POLA1: variants seen among roughly 807,000 people sequenced by gnomAD.
POLA1 encodes the protein DNA polymerase alpha 1, catalytic subunit.
A neutral mutation model predicts 124.0 loss-of-function variants in POLA1; 15 were observed. The ratio of observed to expected loss-of-function variants is 0.12; its 90% CI spans 0.08 to 0.19. The LOEUF (loss-of-function observed/expected upper bound fraction) is 0.19. Among genes scored for constraint, POLA1 ranks in the 10% least tolerant of loss-of-function variants. The pLI, the probability that POLA1 is intolerant of heterozygous loss-of-function variation, is 1.00. For synonymous variants in POLA1, 408 were observed against 389.4 expected (o/e 1.05, Z -0.56); for missense variants, 886 against 1,103.4 (o/e 0.80, Z 2.79).
intron 36 of POLA1, among the ~76,000 whole-genome samples, 189 bp from the exon 37 acceptor site, chrX:24,995,616 C>G (rs746712483): frequency 4.5e-5 from 5 of 111,742 alleles, no homozygotes; most frequent in African/African-American, 1.6e-4. Context: ...GGCGGACAGA[C>G]AGGGGAAAGG....
At chrX:24,952,259 T>G (rs1298713309) in intron 36 of POLA1, among the ~76,000 whole-genome samples, 1 of 112,284 alleles carries the variant, frequency 8.9e-6, no homozygotes, top group Non-Finnish European at 1.9e-5. Context: ...CATAACCTTC[T>G]CTTTGCTGCC....
intron 26 of POLA1, among the ~76,000 whole-genome samples, chrX:24,765,170 C>T (rs1043948666): frequency 9.0e-5 from 10 of 111,014 alleles, no homozygotes; most frequent in African/African-American, 3.3e-4. Context: ...CCATAGGGAC[C>T]TTGTGCATCT....
intron 30 of POLA1, among the ~76,000 whole-genome samples, chrX:24,816,306 A>G (rs1359521197): frequency 8.9e-6 from 1 of 112,537 alleles, no homozygotes; most frequent in Non-Finnish European, 1.9e-5. Context: ...CTTTGCTACC[A>G]TAATGAATAT....
intron 36 of POLA1, among the ~76,000 whole-genome samples, chrX:24,976,330 G>A (rs1201697188): frequency 1.8e-5 from 2 of 112,005 alleles, no homozygotes; most frequent in Non-Finnish European, 3.8e-5. Context: ...ACTGTTGTCG[G>A]CCTGTGTCCT....
intron 26 of POLA1, among the ~76,000 whole-genome samples, chrX:24,771,164 A>G (rs1054294126): frequency 1.8e-5 from 2 of 111,342 alleles, no homozygotes; most frequent in Admixed American, 9.6e-5. Flanking sequence ...AATGACTACT[A>G]GTAATCTCTG....
intron 6 of POLA1, among the ~76,000 whole-genome samples, chrX:24,715,877 G>C (rs1419647890): frequency 9.0e-6 from 1 of 111,253 alleles, no homozygotes; most frequent in Non-Finnish European, 1.9e-5. Context: ...AGGTATAAGA[G>C]CCTTGTCTTG....
At chrX:24,697,083 A>G (rs757630887) in intron 1 of POLA1, among the ~76,000 whole-genome samples, 2 of 110,712 alleles carry the variant, frequency 1.8e-5, no homozygotes, top group South Asian at 7.6e-4. Context: ...TACCTTTTCT[A>G]TGGCACCATG....
chrX:24,848,862 T>C (rs769609135), intron 34 of POLA1, among the ~76,000 whole-genome samples: 2 of 112,721 alleles, frequency 1.8e-5, no homozygotes, highest in South Asian at 7.3e-4. Flanking sequence ...TTCCATTGTC[T>C]TTCACTTCTC....
chrX:24,776,344 C>T (rs2045139290), intron 26 of POLA1, among the ~76,000 whole-genome samples: 1 of 111,638 alleles, frequency 9.0e-6, no homozygotes, highest in Admixed American at 9.5e-5. Flanking sequence ...GCTCTTTTCT[C>T]CTCTTTTTCC....
intron 36 of POLA1, among the ~76,000 whole-genome samples, chrX:24,944,128 C>T (rs1161511029): frequency 2.7e-5 from 3 of 111,818 alleles, no homozygotes; most frequent in Non-Finnish European, 3.8e-5. Context: ...GTGCATGGTG[C>T]GCCAGGTTAA....
At chrX:24,868,711 G>A (rs1057019682) in intron 34 of POLA1, among the ~76,000 whole-genome samples, 22 of 111,635 alleles carry the variant, frequency 2.0e-4, no homozygotes, top group African/African-American at 5.9e-4. Context: ...TAATGAATGC[G>A]ATCATCATTG....
intron 26 of POLA1, among the ~76,000 whole-genome samples, chrX:24,793,277 CAAAAAAAA>C (rs144419886): frequency 0.02 from 523 of 25,980 alleles, 2 homozygotes; most frequent in Middle Eastern, 0.038. Flanking sequence ...GACTCCCTCT[CAAAAAAAA>C]AAAAAAAAAA....
chrX:24,982,830 G>T (rs1396141417), intron 36 of POLA1, among the ~76,000 whole-genome samples: 1 of 111,003 alleles, frequency 9.0e-6, no homozygotes, highest in Non-Finnish European at 1.9e-5. Flanking sequence ...CGTTGTATTT[G>T]ATGTATTTTG....
At chrX:24,746,556 C>G (rs754951688) in intron 24 of POLA1, among the ~76,000 whole-genome samples, 1 of 112,136 alleles carries the variant, frequency 8.9e-6, no homozygotes, top group East Asian at 2.8e-4. Context: ...GAATCATTTT[C>G]ATACATGGTA....
chrX:24,872,126 T>G (rs1486417572), intron 34 of POLA1, among the ~76,000 whole-genome samples: 1 of 111,035 alleles, frequency 9.0e-6, no homozygotes, highest in Admixed American at 9.6e-5. Flanking sequence ...AAGGAATATA[T>G]AAAAATTGGA....
intron 35 of POLA1, among the ~76,000 whole-genome samples, chrX:24,892,596 C>A (rs2047155172): frequency 9.0e-6 from 1 of 111,689 alleles, no homozygotes; most frequent in Non-Finnish European, 1.9e-5. Context: ...ATTAGTAATT[C>A]ACCAAAAATA....
chrX:24,739,563 A>G lies in POLA1; in HGVS notation c.2216+13A>G, dbSNP rs1397773435. On this transcript the variant is annotated intron_variant, in intron 20 of 36. Transcript: ENST00000379068. Reference sequence around the variant, plus strand: ...AAAATATGTACAGGTATGATCCTAGATTCTTCAGAATTCATCTGTCTTGAA... The same window carrying G: ...AAAATATGTACAGGTATGATCCTAGGTTCTTCAGAATTCATCTGTCTTGAA... The G allele has an allele frequency of 2.9e-6, 3 of 1,048,966 alleles. No individual in the cohort carries two copies. Among genetic ancestry groups the G allele is most frequent in the Non-Finnish European group, 2.6e-6 (2 of 758,258 alleles). The allele number at this position is 1,048,966 out of a possible 1,213,427, so 86.4% of individuals were successfully genotyped here.
At chrX:24,812,560 A>G (rs2045921310) in intron 28 of POLA1, 98 bp from the exon 29 acceptor site, 3 of 519,829 alleles carry the variant, frequency 5.8e-6, no homozygotes, top group Admixed American at 6.8e-5. Context: ...GTATGACTTC[A>G]AATTCTGTTT....
At chrX:24,776,073 A>G (rs183416961) in intron 26 of POLA1, among the ~76,000 whole-genome samples, 1 of 112,099 alleles carries the variant, frequency 8.9e-6, no homozygotes, top group East Asian at 2.8e-4. Context: ...TGACTCTCTC[A>G]GTAAAACAGT....
Sources: gnomAD v4.1 joint callset for allele counts (sites outside exome capture counted in the v4.1 genomes callset) on GRCh38, gnomAD v4.1.1 for gene constraint, MANE v1.5 for transcripts, NCBI Gene and HGNC (gene_info 2026-07-23, HGNC 2026-07-21) for gene names.